The following PARP8 variants were observed in gnomAD, a reference collection of about 807,000 sequenced individuals.
PARP8 encodes poly(ADP-ribose) polymerase family member 8.
In PARP8, 51 loss-of-function variants were observed where a neutral mutation model predicts 124.1. The ratio of observed to expected loss-of-function variants is 0.41; its 90% CI spans 0.33 to 0.52. The LOEUF is 0.52. PARP8 is among the 20% of genes least tolerant of loss of function. PARP8 has a pLI of 0.21. For missense variants in PARP8, 860 were observed against 1,018.9 expected (o/e 0.84, Z 2.12); for synonymous variants, 391 against 361.5 (o/e 1.08, Z -0.93).
chr5:50,783,782 A>C (rs1370717606), intron 9 of PARP8, among the ~76,000 whole-genome samples: 12 of 152,148 alleles, frequency 7.9e-5, no homozygotes, highest in Admixed American at 5.2e-4. Context: ...GCGTGGCTCT[A>C]CTTATTAGAA....
chr5:50,773,952 G>T (rs1761897072), intron 7 of PARP8, among the ~76,000 whole-genome samples: 1 of 151,812 alleles, frequency 6.6e-6, no homozygotes, highest in African/African-American at 2.4e-5. Context: ...CGTGGACAAA[G>T]GTCTCTGGTT....
intron 9 of PARP8, among the ~76,000 whole-genome samples, chr5:50,784,547 A>T (rs922515616): frequency 1.3e-5 from 2 of 152,148 alleles, no homozygotes; most frequent in Non-Finnish European, 2.9e-5. Flanking sequence ...TGCTTGCATG[A>T]TCAGTGCATT....
chr5:50,667,642 C>T, intron 1 of PARP8: 1 of 699,328 alleles, frequency 1.4e-6, no homozygotes, highest in Non-Finnish European at 2.6e-6. Context: ...GGGGGCAGCG[C>T]TCGGCCCATC....
At chr5:50,714,084 C>CTT (rs34294100) in intron 2 of PARP8, among the ~76,000 whole-genome samples, 23 of 137,796 alleles carry the variant, frequency 1.7e-4, no homozygotes, top group African/African-American at 6.0e-4. Context: ...TTCTTTCTTT[C>CTT]TTTTTTTTTT....
intron 14 of PARP8, among the ~76,000 whole-genome samples, chr5:50,800,947 G>T (rs1266790168): frequency 2.0e-5 from 3 of 151,510 alleles, no homozygotes; most frequent in Admixed American, 6.6e-5. Context: ...TTGTAGAAAT[G>T]GGGTGTCACC....
chr5:50,796,300 TTA>T (rs1226432485), intron 12 of PARP8, among the ~76,000 whole-genome samples: 4 of 152,336 alleles, frequency 2.6e-5, no homozygotes, highest in African/African-American at 9.6e-5. Context: ...AATGTTATTC[TTA>T]TATAGGTTTA....
chr5:50,830,935 G>T (rs1312000079), intron 22 of PARP8, among the ~76,000 whole-genome samples: 6 of 151,994 alleles, frequency 3.9e-5, no homozygotes, highest in Non-Finnish European at 7.4e-5. Context: ...TTATAGGAAA[G>T]GATATTTAGA....
rs1418339952 is a variant in PARP8 at position 50,795,343 on chromosome 5, G to A, written c.1354G>A (p.Gly452Ser). 3 of 1,614,034 alleles carry A rather than the reference G, an allele frequency of 1.9e-6. No homozygotes were observed. Among genetic ancestry groups the A allele is most frequent in the Middle Eastern group, 1.6e-4 (1 of 6,062 alleles). ...TELFKEPNAEGRRLSLTSGLI... is the reference protein window; with the variant it reads ...TELFKEPNAESRRLSLTSGLI... ...GCTTTTCAAGGAACCTAACGCAGAGGGCAGGAGGCTCTCTCTTACCTCAGG... is the reference window on the plus strand; with the variant it reads ...GCTTTTCAAGGAACCTAACGCAGAGAGCAGGAGGCTCTCTCTTACCTCAGG... Residue 452 changes from glycine to serine, a missense_variant, in exon 12 of 26, where the codon GGC becomes AGC. Gly to Ser is a moderately conservative substitution (Grantham distance 56). This residue lies in a region of PARP8 where 517 missense variants were observed against 544.2 expected (regional missense o/e 0.95). Coordinates refer to ENST00000281631, the MANE Select transcript of PARP8 (RefSeq NM_024615.4).
chr5:50,797,233 G>T lies in PARP8; in HGVS notation c.1575G>T (p.Arg525Ser). ...PHVFQNGPML[R>S]PTVCERELCV... ...TGTTTCAAAATGGCCCTATGCTTAG[G>T]GTAAGTTCTTGCTGATAGAATGTCC... Residue 525 changes from arginine to serine, a missense_variant and splice_region_variant, in exon 14 of 26, where the codon AGG becomes AGT. By Grantham distance (110) the Arg-to-Ser change is moderately radical. Transcript: ENST00000281631. 6.3e-7 allele frequency: 1 copy of T among 1,596,078 alleles called. No homozygotes were observed. Among genetic ancestry groups the T allele is most frequent in the Non-Finnish European group, 8.6e-7 (1 of 1,167,268 alleles).
At chr5:50,673,701 G>A (rs561596473) in intron 2 of PARP8, among the ~76,000 whole-genome samples, 1 of 152,262 alleles carries the variant, frequency 6.6e-6, no homozygotes, top group South Asian at 2.1e-4. Flanking sequence ...GTCTGCCAGG[G>A]GCAATACTGA....
chr5:50,680,529 G>A (rs779682407), intron 2 of PARP8, among the ~76,000 whole-genome samples: 1 of 152,090 alleles, frequency 6.6e-6, no homozygotes, highest in Non-Finnish European at 1.5e-5. Flanking sequence ...GTTAAAATCT[G>A]CAGGAAATCT....
At chr5:50,782,124 A>T (rs1382198869) in intron 9 of PARP8, among the ~76,000 whole-genome samples, 1 of 152,144 alleles carries the variant, frequency 6.6e-6, no homozygotes, top group African/African-American at 2.4e-5. Flanking sequence ...CCCTATTTTG[A>T]GAGGCACCAG....
intron 10 of PARP8, among the ~76,000 whole-genome samples, chr5:50,788,853 G>A (rs1055019838): frequency 2.6e-5 from 4 of 152,126 alleles, no homozygotes; most frequent in Non-Finnish European, 5.9e-5. Flanking sequence ...TGGGGAGGCT[G>A]ACCTGTGTGG....
At chr5:50,801,977 T>G (rs915984663) in intron 14 of PARP8, among the ~76,000 whole-genome samples, 1 of 152,228 alleles carries the variant, frequency 6.6e-6, no homozygotes, top group Non-Finnish European at 1.5e-5. Flanking sequence ...TTCATGCTTA[T>G]GTTTTTATCC....
At chr5:50,816,385 A>G (rs1745105164) in intron 15 of PARP8, among the ~76,000 whole-genome samples, 1 of 152,186 alleles carries the variant, frequency 6.6e-6, no homozygotes, top group Non-Finnish European at 1.5e-5. Flanking sequence ...TAGTTTTAAA[A>G]AATTATTTGC....
chr5:50,822,307 T>C (rs750359911), intron 16 of PARP8, 28 bp from the exon 17 acceptor site: 4 of 1,550,650 alleles, frequency 2.6e-6, no homozygotes, highest in Non-Finnish European at 3.6e-6. Context: ...CAAATGCTGT[T>C]TTTTAACATC....
chr5:50,827,738 GTTC>G (rs1457748317), intron 19 of PARP8, among the ~76,000 whole-genome samples: 2 of 152,088 alleles, frequency 1.3e-5, no homozygotes, highest in African/African-American at 4.8e-5. Context: ...CCAAAGAATT[GTTC>G]TTCATATTTG....
In PARP8 at chr5:50,778,251, G is replaced by A. The variant is rs1030763381; in HGVS notation, c.579+122G>A. 9 of 754,976 alleles carry A rather than the reference G, an allele frequency of 1.2e-5. No homozygotes were observed. The African/African-American group carries it at 1.3e-4, about 11-fold the overall frequency. 46.8% of individuals were successfully genotyped at this position (754,976 alleles called of 1,614,324 possible). A position where few individuals can be genotyped will look rare whatever the true frequency, so the allele number is the denominator to read the frequency against. On this transcript the variant is annotated intron_variant, in intron 8 of 25. Transcript: ENST00000281631. ...TATTAGTTACATATTGACTGTTAAG[G>A]TGCTTTGTGAAGAATTGCTGTGACT...
intron 6 of PARP8, 149 bp from the exon 7 acceptor site, chr5:50,762,999 G>A (rs1760712899): frequency 3.8e-6 from 2 of 524,690 alleles, no homozygotes; most frequent in Non-Finnish European, 6.9e-6. Context: ...CTAGTCATAT[G>A]TGAACCTAAG....
Sources: gnomAD v4.1 joint callset for allele counts (sites outside exome capture counted in the v4.1 genomes callset) on GRCh38, gnomAD v4.1.1 for gene constraint, gnomAD v4.1.1 regional missense constraint, MANE v1.5 for transcripts, NCBI Gene and HGNC (gene_info 2026-07-23, HGNC 2026-07-21) for gene names.